The following KIAA0930 variants were observed in gnomAD, a reference collection of about 807,000 sequenced individuals.
KIAA0930 encodes the protein KIAA0930, also known as uncharacterized protein KIAA0930.
In KIAA0930, 24 loss-of-function variants were observed where a neutral mutation model predicts 43.9. The ratio of observed to expected loss-of-function variants is 0.55; its 90% CI spans 0.40 to 0.77. KIAA0930 has a LOEUF of 0.77. Among genes scored for constraint, KIAA0930 ranks in the 30% least tolerant of loss-of-function variants. The pLI, the probability that KIAA0930 is intolerant of heterozygous loss-of-function variation, is 0.00. For synonymous variants in KIAA0930, 259 were observed against 216.4 expected (o/e 1.20, Z -1.73); for missense variants, 461 against 574.2 (o/e 0.80, Z 2.02).
At position 45,205,504 on chromosome 22, in the gene KIAA0930, G is replaced by C. The variant is rs1601811983; in HGVS notation, c.414+126C>G. ...TGGGATACGGGATCCCAGGAGCTGA[G>C]CAGATTTCTGGAGTCAGACCCCTCA... On this transcript the variant is annotated intron_variant, in intron 4 of 9. Coordinates refer to ENST00000336156, the MANE Select transcript of KIAA0930 (RefSeq NM_001009880.2). The C allele has an allele frequency of 1.9e-5, 18 of 969,026 alleles. No homozygotes were observed. The East Asian group carries it at 4.5e-4, about 24-fold the overall frequency. 60.0% of individuals were successfully genotyped at this position (969,026 alleles called of 1,614,324 possible).
chr22:45,215,291 A>G (rs1000623419), intron 1 of KIAA0930, among the ~76,000 whole-genome samples: 1 of 152,256 alleles, frequency 6.6e-6, no homozygotes, highest in South Asian at 2.1e-4. Flanking sequence ...TTTATTTTAC[A>G]TAAACCATAT....
At chr22:45,216,147 G>A (rs2083731157) in intron 1 of KIAA0930, among the ~76,000 whole-genome samples, 1 of 152,308 alleles carries the variant, frequency 6.6e-6, no homozygotes, top group South Asian at 2.1e-4. Flanking sequence ...GGAAAGGTCG[G>A]GACTGGAGGG....
chr22:45,219,579 A>ATT (rs1569080218), intron 1 of KIAA0930, among the ~76,000 whole-genome samples: 11 of 107,442 alleles, frequency 1.0e-4, no homozygotes, highest in African/African-American at 4.0e-4. Context: ...CCAAGAGGTG[A>ATT]TTGTTTTTTT....
chr22:45,208,444 C>A (rs2083659883), intron 2 of KIAA0930, among the ~76,000 whole-genome samples: 1 of 151,190 alleles, frequency 6.6e-6, no homozygotes, highest in Non-Finnish European at 1.5e-5. Context: ...AACCCAACTC[C>A]ACACGCAGGA....
chr22:45,225,387 C>A (rs78204962), intron 1 of KIAA0930, among the ~76,000 whole-genome samples: 7 of 152,286 alleles, frequency 4.6e-5, no homozygotes, highest in Admixed American at 1.3e-4. Flanking sequence ...CAAAGGGAAG[C>A]GTGGGGTCTC....
intron 7 of KIAA0930, among the ~76,000 whole-genome samples, chr22:45,201,480 T>G (rs2083588336): frequency 6.6e-6 from 1 of 152,184 alleles, no homozygotes; most frequent in African/African-American, 2.4e-5. Flanking sequence ...AGGCTGTGGC[T>G]GGAGGTGGCA....
At chr22:45,209,583 C>T (rs2083674453) in intron 2 of KIAA0930, among the ~76,000 whole-genome samples, 1 of 152,184 alleles carries the variant, frequency 6.6e-6, no homozygotes, top group Non-Finnish European at 1.5e-5. Context: ...CTACAACCCG[C>T]CCGCCAGATG....
intron 1 of KIAA0930, among the ~76,000 whole-genome samples, chr22:45,237,533 A>G (rs2083894661): frequency 6.6e-6 from 1 of 152,224 alleles, no homozygotes; most frequent in Admixed American, 6.5e-5. Context: ...AGAGACAGAC[A>G]CTGACTCAGA....
chr22:45,201,658 G>A (rs2083590064), intron 7 of KIAA0930, among the ~76,000 whole-genome samples: 1 of 152,088 alleles, frequency 6.6e-6, no homozygotes, highest in Admixed American at 6.5e-5. Flanking sequence ...GACAAGAGAG[G>A]CCCCTGCCTG....
chr22:45,203,643 G>A lies in KIAA0930; in HGVS notation c.657+202C>T, dbSNP rs969930853. On this transcript the variant is annotated intron_variant, in intron 6 of 9. Transcript: ENST00000336156. The stretch of plus-strand genomic sequence containing the variant: ...CATTTCAGATGAAGGCAAGTGGCCC[G>A]CATGGGCTGAGGCCGACCATGAAGA... Among the ~76,000 whole-genome samples the A allele has an allele frequency of 6.6e-6, 1 of 152,200 alleles. No homozygotes were observed. Among genetic ancestry groups the A allele is most frequent in the Non-Finnish European group, 1.5e-5 (1 of 68,034 alleles).
intron 6 of KIAA0930, 91 bp downstream of exon 6, chr22:45,203,754 G>A (rs1235436369): frequency 1.4e-6 from 2 of 1,457,388 alleles, no homozygotes; most frequent in Non-Finnish European, 1.9e-6. Context: ...GCACAAGCAG[G>A]CTGGGGGGCC....
At chr22:45,210,719 C>T (rs959282380) in intron 2 of KIAA0930, among the ~76,000 whole-genome samples, 1 of 83,108 alleles carries the variant, frequency 1.2e-5, no homozygotes, top group African/African-American at 5.1e-5. Context: ...CATCACCAGT[C>T]AGGCCTCCTC....
chr22:45,238,947 T>C (rs561907778), intron 1 of KIAA0930, among the ~76,000 whole-genome samples: 1 of 152,204 alleles, frequency 6.6e-6, no homozygotes, highest in Admixed American at 6.5e-5. Context: ...TACTGCTCCC[T>C]GGCAAAGTCA....
intron 1 of KIAA0930, among the ~76,000 whole-genome samples, chr22:45,214,918 AT>A (rs1375635136): frequency 2.0e-5 from 3 of 151,928 alleles, no homozygotes; most frequent in African/African-American, 7.3e-5. Context: ...CTAAAAGGGT[AT>A]TAAAAAATAA....
At chr22:45,201,022 T>C (rs1216958025) in intron 7 of KIAA0930, 1 of 532,460 alleles carries the variant, frequency 1.9e-6, no homozygotes, top group Admixed American at 1.9e-5. Context: ...CTCCTCCCCA[T>C]GCCAACAATA....
chr22:45,214,638 G>A (rs2083720057), intron 1 of KIAA0930, among the ~76,000 whole-genome samples: 1 of 152,190 alleles, frequency 6.6e-6, no homozygotes, highest in South Asian at 2.1e-4. Flanking sequence ...GCCGGGTGAG[G>A]TAGCTCATAC....
Position 45,213,677 on chromosome 22 carries a change from T to C in KIAA0930, c.65-1570A>G, listed in dbSNP as rs1056844446. Among the ~76,000 whole-genome samples, 20 of 152,258 alleles carry C rather than the reference T, an allele frequency of 1.3e-4. 1 individual carries two copies. The highest frequency in any genetic ancestry group is 1.2e-3 in the Admixed American group (19 of 15,292). On this transcript the variant is annotated intron_variant, in intron 1 of 9. Transcript: ENST00000336156. ...CATTGCTTCACTTTTGGTTCCCTCT[T>C]AGAGCCCAACGGAATAACAGAATAA...
chr22:45,238,903 A>C (rs1260438156), intron 1 of KIAA0930, among the ~76,000 whole-genome samples: 1 of 142,746 alleles, frequency 7.0e-6, no homozygotes, highest in East Asian at 2.2e-4. Context: ...TCTCTCTCTC[A>C]CCCTCAGGCT....
At chr22:45,221,684 T>C (rs1018499466) in intron 1 of KIAA0930, among the ~76,000 whole-genome samples, 38 of 152,224 alleles carry the variant, frequency 2.5e-4, no homozygotes, top group African/African-American at 9.2e-4. Context: ...TGGAACAGAA[T>C]AGAAAGCAAA....
Sources: gnomAD v4.1 joint callset for allele counts (sites outside exome capture counted in the v4.1 genomes callset) on GRCh38, gnomAD v4.1.1 for gene constraint, MANE v1.5 for transcripts, NCBI Gene and HGNC (gene_info 2026-07-23, HGNC 2026-07-21) for gene names.